FTCDNL1: variants seen among roughly 807,000 people sequenced by gnomAD.
FTCDNL1 encodes the protein formiminotransferase cyclodeaminase N-terminal like.
Under a neutral mutation model 5.9 loss-of-function variants are expected in FTCDNL1, and 11 were observed. That is an observed-to-expected ratio of 1.87 (90% confidence interval 1.18 to 3.10). The LOEUF (loss-of-function observed/expected upper bound fraction) is 3.10. Among genes scored for constraint, FTCDNL1 ranks in the 30% most tolerant of loss-of-function variants. The pLI is 0.00. For missense variants in FTCDNL1, 115 were observed against 65.5 expected (o/e 1.76, Z -2.61); for synonymous variants, 58 against 24.8 (o/e 2.34, Z -3.99).
At chr2:199,735,077 AC>A in the FTCDNL1 span, among the ~76,000 whole-genome samples, 2 of 140,204 alleles carry the variant, frequency 1.4e-5, no homozygotes, top group African/African-American at 5.4e-5. Context: ...ATGTTCTTAA[AC>A]CCCCTGATAG....
the FTCDNL1 span, among the ~76,000 whole-genome samples, chr2:199,714,734 A>G: frequency 1.2e-4 from 19 of 152,196 alleles, no homozygotes; most frequent in South Asian, 2.1e-4. Flanking sequence ...CCACCAGAGA[A>G]AAGGGAGGGT....
the FTCDNL1 span, among the ~76,000 whole-genome samples, chr2:199,717,002 C>T: frequency 6.6e-6 from 1 of 151,986 alleles, no homozygotes; most frequent in African/African-American, 2.4e-5. Context: ...TGTTAGGTGT[C>T]AGAGTGACTA....
At chr2:199,783,846 G>GA (rs890631411) in intron 3 of FTCDNL1, among the ~76,000 whole-genome samples, 28 of 145,980 alleles carry the variant, frequency 1.9e-4, no homozygotes, top group East Asian at 4.0e-4. Context: ...TTTCTGTGCT[G>GA]AAAAAAAAAA....
At chr2:199,748,166 G>A in the FTCDNL1 span, among the ~76,000 whole-genome samples, 1 of 152,172 alleles carries the variant, frequency 6.6e-6, no homozygotes, top group Non-Finnish European at 1.5e-5. Context: ...AAGTATGAAA[G>A]TATGTAGAAT....
the FTCDNL1 span, among the ~76,000 whole-genome samples, chr2:199,679,033 C>T: frequency 6.6e-6 from 1 of 152,138 alleles, no homozygotes; most frequent in African/African-American, 2.4e-5. Context: ...CCAATTCACA[C>T]TGCCGCTAGC....
intron 3 of FTCDNL1, among the ~76,000 whole-genome samples, chr2:199,835,335 C>T (rs1003242689): frequency 2.6e-5 from 4 of 152,138 alleles, no homozygotes; most frequent in Non-Finnish European, 2.9e-5. Context: ...TATCTTACTA[C>T]ATATGTTTAG....
chr2:199,787,215 T>C (rs1354348987), intron 3 of FTCDNL1, among the ~76,000 whole-genome samples: 1 of 151,984 alleles, frequency 6.6e-6, no homozygotes, highest in Non-Finnish European at 1.5e-5. Flanking sequence ...AGAATCTCGC[T>C]CTGTCACCCA....
At chr2:199,799,296 G>C (rs1700325241) in intron 3 of FTCDNL1, among the ~76,000 whole-genome samples, 1 of 152,004 alleles carries the variant, frequency 6.6e-6, no homozygotes, top group African/African-American at 2.4e-5. Flanking sequence ...AAAAAAAATA[G>C]CCCAATGGTA....
intron 3 of FTCDNL1, among the ~76,000 whole-genome samples, chr2:199,773,497 C>A (rs960507510): frequency 5.9e-5 from 9 of 152,120 alleles, no homozygotes; most frequent in African/African-American, 2.2e-4. Context: ...TGGGGAAAAT[C>A]TGTAGGAGTC....
intron 4 of FTCDNL1, among the ~76,000 whole-genome samples, chr2:199,815,621 T>C (rs1701305697): frequency 6.6e-6 from 1 of 152,140 alleles, no homozygotes; most frequent in African/African-American, 2.4e-5. Context: ...GGAACCAAAT[T>C]CATTGAAAAA....
At chr2:199,746,824 G>A in the FTCDNL1 span, among the ~76,000 whole-genome samples, 1 of 151,590 alleles carries the variant, frequency 6.6e-6, no homozygotes, top group Non-Finnish European at 1.5e-5. Flanking sequence ...TCCATCCCCA[G>A]CATTATAATT....
intron 4 of FTCDNL1, among the ~76,000 whole-genome samples, chr2:199,814,746 G>T (rs1289489890): frequency 6.6e-6 from 1 of 152,092 alleles, no homozygotes; most frequent in African/African-American, 2.4e-5. Flanking sequence ...ATCAGCAAAT[G>T]ATTTTTAAAA....
At chr2:199,745,739 A>G in the FTCDNL1 span, among the ~76,000 whole-genome samples, 27 of 152,320 alleles carry the variant, frequency 1.8e-4, no homozygotes, top group African/African-American at 6.3e-4. Flanking sequence ...TTATAACTCC[A>G]TTGTACTGGT....
intron 3 of FTCDNL1, among the ~76,000 whole-genome samples, chr2:199,788,815 G>C (rs1355871619): frequency 6.6e-6 from 1 of 151,914 alleles, no homozygotes; most frequent in Non-Finnish European, 1.5e-5. Context: ...AGATAAAGGA[G>C]AGATCCTAAA....
chr2:199,735,115 GAAAAAAA>G, the FTCDNL1 span, among the ~76,000 whole-genome samples: 4 of 81,600 alleles, frequency 4.9e-5, no homozygotes, highest in East Asian at 9.2e-4. Flanking sequence ...ACTACCTTTA[GAAAAAAA>G]AAAAAAAAAA....
At chr2:199,762,772 ATATC>A (rs1199910928) in intron 3 of FTCDNL1, among the ~76,000 whole-genome samples, 1 of 152,216 alleles carries the variant, frequency 6.6e-6, no homozygotes, top group Non-Finnish European at 1.5e-5. Flanking sequence ...ATATACAGTT[ATATC>A]TATCATATAA....
chr2:199,761,771 G>T (rs1698284693), intron 3 of FTCDNL1, among the ~76,000 whole-genome samples: 1 of 152,168 alleles, frequency 6.6e-6, no homozygotes, highest in African/African-American at 2.4e-5. Context: ...TGTACTTTCT[G>T]TGACTTTCAT....
chr2:199,793,379 C>T (rs1700024070), intron 3 of FTCDNL1, among the ~76,000 whole-genome samples: 1 of 152,044 alleles, frequency 6.6e-6, no homozygotes. Context: ...GGGGGCATTA[C>T]TTGAGAAGCA....
the FTCDNL1 span, among the ~76,000 whole-genome samples, chr2:199,699,549 C>A: frequency 6.6e-6 from 1 of 152,074 alleles, no homozygotes; most frequent in Admixed American, 6.5e-5. Context: ...CTAACTCATT[C>A]TATGAGGCAG....
Sources: gnomAD v4.1 joint callset for allele counts (sites outside exome capture counted in the v4.1 genomes callset) on GRCh38, gnomAD v4.1.1 for gene constraint, MANE v1.5 for transcripts, NCBI Gene and HGNC (gene_info 2026-07-23, HGNC 2026-07-21) for gene names.